MCM10: variants seen among roughly 807,000 people sequenced by gnomAD.
MCM10 encodes the protein protein MCM10 homolog.
A neutral mutation model predicts 109.9 loss-of-function variants in MCM10; 91 were observed. The observed-to-expected ratio is 0.83, with a 90% CI of 0.70 to 0.99. The LOEUF is 0.99. Among genes scored for constraint, MCM10 ranks in the 50% least tolerant of loss-of-function variants. MCM10 has a pLI of 0.00. For synonymous variants in MCM10, 380 were observed against 387.2 expected (o/e 0.98, Z 0.22); for missense variants, 1,077 against 1,061.2 (o/e 1.01, Z -0.21).
chr10:13,162,413 A>C (rs536204606), intron 1 of MCM10, among the ~76,000 whole-genome samples: 87 of 152,308 alleles, frequency 5.7e-4, no homozygotes, highest in African/African-American at 1.9e-3. Context: ...GTTACTAAGG[A>C]AAGGGAAGAT....
At chr10:13,186,797 G>A (rs113142142) in intron 9 of MCM10, among the ~76,000 whole-genome samples, 1 of 152,234 alleles carries the variant, frequency 6.6e-6, no homozygotes, top group East Asian at 1.9e-4. Flanking sequence ...TTTGAGACTA[G>A]CCTGGCCACC....
intron 9 of MCM10, 41 bp downstream of exon 9, chr10:13,186,321 A>G: frequency 1.5e-6 from 2 of 1,349,688 alleles, no homozygotes; most frequent in South Asian, 2.4e-5. Flanking sequence ...GCTAAAGAAA[A>G]GAACAGTTAG....
In MCM10 at chr10:13,209,335, A is replaced by C; in HGVS notation, c.*25A>C. On this transcript the variant is annotated 3_prime_UTR_variant, in exon 20 of 20. Transcript: ENST00000378714. ...ACCCGAACTTCAGACATTTTCCCACAGACTTCCTGGCCTCCTGTGACTCTG... is the reference window on the plus strand; with the variant it reads ...ACCCGAACTTCAGACATTTTCCCACCGACTTCCTGGCCTCCTGTGACTCTG... 1 of 1,581,942 alleles carries C rather than the reference A, an allele frequency of 6.3e-7. No homozygotes were observed. The highest frequency in any genetic ancestry group is 8.7e-7 in the Non-Finnish European group (1 of 1,152,338).
intron 8 of MCM10, among the ~76,000 whole-genome samples, chr10:13,184,121 G>A (rs1397903120): frequency 6.6e-6 from 1 of 151,936 alleles, no homozygotes. Flanking sequence ...GCCTCTTAAA[G>A]TGCTGGGATT....
At position 13,172,398 on chromosome 10, in the gene MCM10, G is replaced by A; in HGVS notation, c.372G>A (p.Glu124=). The change falls in exon 4 of 20, where the codon GAG becomes GAA. Residue 124 remains glutamate (E), a synonymous_variant. Transcript: ENST00000378714. This position sits in a 1 kb window ranked among gnomAD's most constrained non-coding sequence, Gnocchi z 5.2. ...ELQEELRNLQ[E]QMKALQEQLK... ...TAGAGGAATTAAGGAATTTGCAAGA[G>A]CAAATGAAGGCCTTACAAGAGCAGC... The A allele has an allele frequency of 1.2e-6, 2 of 1,613,464 alleles. No homozygotes were observed. The highest frequency in any genetic ancestry group is 1.7e-6 in the Non-Finnish European group (2 of 1,179,754).
rs759481429 is a variant in MCM10 at position 13,209,121 on chromosome 10, C to T, written c.2529C>T (p.Asp843=). ...SNCGLYKWER[D]GMLKEKTGPK... is the part of the protein sequence containing the mutation. ...GTGGCCTCTACAAATGGGAACGGGA[C>T]GGAATGCTAAAGGTATGCCATTTGC... Residue 843 remains aspartate (D), a synonymous_variant, in exon 19 of 20, where the codon GAC becomes GAT. Transcript: ENST00000378714. 1.4e-5 allele frequency: 22 copies of T among 1,612,812 alleles called. No individual in the cohort carries two copies. Among genetic ancestry groups the T allele is most frequent in the Admixed American group, 3.3e-5 (2 of 60,008 alleles).
Position 13,192,365 on chromosome 10 carries a change from G to A in MCM10, c.1627G>A (p.Gly543Arg). 1 of 1,614,002 alleles carries A rather than the reference G, an allele frequency of 6.2e-7. No homozygotes were observed. Among genetic ancestry groups the A allele is most frequent in the Admixed American group, 1.7e-5 (1 of 60,018 alleles). The change falls in exon 12 of 20, where the codon GGG becomes AGG. Residue 543 changes from glycine (G) to arginine (R), a missense_variant and splice_region_variant. By Grantham distance (125) the Gly-to-Arg change is moderately radical. Coordinates refer to ENST00000378714, the MANE Select transcript of MCM10 (RefSeq NM_018518.5). The part of the protein sequence containing the change: ...KQHLAKATAS[G>R]IMGSPKPAIK... ...ACATTTAGCCAAAGCCACAGCTTCA[G>A]GTACCATCAGCTGCATGGCCACACG...
chr10:13,207,716 A>G (rs1834602353), intron 18 of MCM10, among the ~76,000 whole-genome samples: 2 of 152,180 alleles, frequency 1.3e-5, no homozygotes. Flanking sequence ...GCCATGTAAG[A>G]CATGCCTTTG....
intron 17 of MCM10, among the ~76,000 whole-genome samples, chr10:13,202,913 C>T (rs1238817253): frequency 2.6e-5 from 4 of 152,110 alleles, no homozygotes; most frequent in Non-Finnish European, 5.9e-5. Context: ...GGCACAGTCT[C>T]GGCTCACTGC....
chr10:13,164,996 T>G (rs1362843641), intron 2 of MCM10, among the ~76,000 whole-genome samples: 2 of 152,246 alleles, frequency 1.3e-5, no homozygotes, highest in East Asian at 3.9e-4. Flanking sequence ...TCAAACATAT[T>G]ACACTTTGCC....
intron 8 of MCM10, among the ~76,000 whole-genome samples, chr10:13,184,619 C>T (rs916436092): frequency 6.6e-6 from 1 of 152,140 alleles, no homozygotes; most frequent in Non-Finnish European, 1.5e-5. Flanking sequence ...ACAAATCTTC[C>T]TCTATTGGTT....
chr10:13,183,083 A>C lies in MCM10; in HGVS notation c.1081A>C (p.Lys361Gln). 2.5e-6 allele frequency: 4 copies of C among 1,613,990 alleles called. No individual in the cohort carries two copies. Among genetic ancestry groups the C allele is most frequent in the Non-Finnish European group, 3.4e-6 (4 of 1,179,990 alleles). ...GILNANPMKP[K>Q]DGSEEVCLSI... is the part of the protein sequence containing the mutation. Reference sequence around the variant, plus strand: ...CCTCAATGCCAACCCCATGAAGCCCAAGGATGGTTCAGAGGAGGTAAGAGC... The same window carrying C: ...CCTCAATGCCAACCCCATGAAGCCCCAGGATGGTTCAGAGGAGGTAAGAGC... The change falls in exon 8 of 20, where the codon AAG (lysine) becomes CAG (glutamine). Residue 361 changes from lysine (K) to glutamine (Q), a missense_variant. Coordinates refer to ENST00000378714, the MANE Select transcript of MCM10 (RefSeq NM_018518.5).
At chr10:13,194,280 C>A (rs927640391) in intron 13 of MCM10, among the ~76,000 whole-genome samples, 2 of 152,148 alleles carry the variant, frequency 1.3e-5, no homozygotes, top group Non-Finnish European at 2.9e-5. Flanking sequence ...GGAGGATCAC[C>A]TGAGCCTGGG....
intron 18 of MCM10, chr10:13,204,667 C>T (rs569556592): frequency 1.1e-5 from 3 of 266,066 alleles, no homozygotes; most frequent in Non-Finnish European, 2.1e-5. Flanking sequence ...TTGTTGGGGG[C>T]TAGGATGCAC....
At chr10:13,186,731 C>A (rs2131574896) in intron 9 of MCM10, among the ~76,000 whole-genome samples, 1 of 152,298 alleles carries the variant, frequency 6.6e-6, no homozygotes, top group African/African-American at 2.4e-5. Flanking sequence ...GTGGCTCACT[C>A]TTGTAATCTC....
At chr10:13,170,831 C>T in intron 2 of MCM10, 91 bp from the exon 3 acceptor site, 3 of 1,127,598 alleles carry the variant, frequency 2.7e-6, no homozygotes, top group Non-Finnish European at 3.8e-6. Context: ...GGTAGTTTCT[C>T]TTACCCCCAT....
chr10:13,181,909 A>C (rs1410576295), intron 7 of MCM10, among the ~76,000 whole-genome samples: 1 of 152,196 alleles, frequency 6.6e-6, no homozygotes, highest in Non-Finnish European at 1.5e-5. Context: ...AGTAGATTCC[A>C]TGCTGTAACC....
chr10:13,172,666 C>G lies in MCM10; in HGVS notation c.493C>G (p.Gln165Glu). ...PRPPLKERRVQRIQESTCFSA... is the reference protein window; with the variant it reads ...PRPPLKERRVERIQESTCFSA... ...GCCACCTCTTAAGGAGAGGAGAGTT[C>G]AGAGAATTCAGGAGTCAACATGCTT... Residue 165 changes from glutamine to glutamate, a missense_variant, in exon 5 of 20, where the codon CAG becomes GAG. Gln to Glu is a conservative substitution (Grantham distance 29). Transcript: ENST00000378714. This position sits in a 1 kb window ranked among gnomAD's most constrained non-coding sequence, Gnocchi z 5.2. 6.2e-7 allele frequency: 1 copy of G among 1,614,142 alleles called. No homozygotes were observed. Among genetic ancestry groups the G allele is most frequent in the Non-Finnish European group, 8.5e-7 (1 of 1,180,018 alleles).
At position 13,210,898 on chromosome 10, in the gene MCM10, A is replaced by T. The variant is rs976460350; in HGVS notation, c.*1588A>T. The T allele has an allele frequency of 1.3e-5, 2 of 152,160 alleles. No individual in the cohort carries two copies. Among genetic ancestry groups the T allele is most frequent in the Non-Finnish European group, 2.9e-5 (2 of 68,032 alleles). 9.4% of individuals were successfully genotyped at this position (152,160 alleles called of 1,614,324 possible). On this transcript the variant is annotated 3_prime_UTR_variant, in exon 20 of 20. Transcript: ENST00000378714. ...TGTGTATGAAATAGGTCACAACAGA[A>T]CTTGAACACCAGGTTGGTGTCTGAG...
Sources: gnomAD v4.1 joint callset for allele counts (sites outside exome capture counted in the v4.1 genomes callset) on GRCh38, gnomAD v4.1.1 for gene constraint, Gnocchi (gnomAD v3.1) non-coding constraint, MANE v1.5 for transcripts, NCBI Gene and HGNC (gene_info 2026-07-23, HGNC 2026-07-21) for gene names.